The following TENM1 variants were observed in gnomAD, a reference collection of about 807,000 sequenced individuals.
The protein encoded by TENM1 is teneurin transmembrane protein 1, also known as teneurin-1.
TENM1 carries 35 observed loss-of-function variants against 174.8 expected under a neutral mutation model. That is an observed-to-expected ratio of 0.20 (90% CI 0.15 to 0.27). TENM1 has a LOEUF of 0.27. TENM1 is among the 10% of genes least tolerant of loss of function. The pLI is 1.00. For missense variants in TENM1, 1,633 were observed against 2,130.1 expected (o/e 0.77, Z 4.59); for synonymous variants, 781 against 798.7 (o/e 0.98, Z 0.37).
chrX:124,831,783 T>C (rs111422651), intron 3 of TENM1, among the ~76,000 whole-genome samples: 6,280 of 110,738 alleles, frequency 0.057, 303 homozygotes, highest in African/African-American at 0.15. Flanking sequence ...CTGAGTATAG[T>C]GTGGACAAAA....
chrX:124,964,954 C>T (rs1438300992), upstream of TENM1, among the ~76,000 whole-genome samples: 1 of 112,252 alleles, frequency 8.9e-6, no homozygotes, highest in Non-Finnish European at 1.9e-5. Flanking sequence ...TGTACACTAT[C>T]TCATATTTTG....
chrX:124,661,587 T>C (rs909811964), intron 6 of TENM1, among the ~76,000 whole-genome samples: 1 of 112,004 alleles, frequency 8.9e-6, no homozygotes, highest in Non-Finnish European at 1.9e-5. Context: ...TATCACATCA[T>C]TCTTAACTTT....
chrX:124,464,108 G>C (rs1191890417), intron 22 of TENM1, among the ~76,000 whole-genome samples: 2 of 110,796 alleles, frequency 1.8e-5, no homozygotes, highest in Non-Finnish European at 3.8e-5. Flanking sequence ...CGATATCTGA[G>C]ACACTACTCA....
At chrX:125,158,170 C>T in the TENM1 span, among the ~76,000 whole-genome samples, 7 of 109,399 alleles carry the variant, frequency 6.4e-5, no homozygotes, top group East Asian at 2.9e-4. Flanking sequence ...TTTGGGAGGC[C>T]GAGGTGGGCA....
intron 3 of TENM1, among the ~76,000 whole-genome samples, chrX:124,880,598 T>C (rs905463550): frequency 2.7e-5 from 3 of 112,167 alleles, no homozygotes; most frequent in Non-Finnish European, 5.6e-5. Flanking sequence ...CTTTGTCTTC[T>C]TCCAGTTCTT....
chrX:124,631,559 A>G (rs2050755886), intron 11 of TENM1, among the ~76,000 whole-genome samples: 1 of 111,437 alleles, frequency 9.0e-6, no homozygotes, highest in African/African-American at 3.3e-5. Context: ...TATGTGAGAC[A>G]TGGGTTCTTA....
exon 28 of TENM1, chrX:124,392,141 T>G: frequency 1.7e-6 from 2 of 1,210,570 alleles, no homozygotes; most frequent in Non-Finnish European, 2.2e-6. Context: ...ATTTTTTCAT[T>G]CCACGTTCCT....
At chrX:124,983,161 T>G in the TENM1 span, among the ~76,000 whole-genome samples, 1 of 108,853 alleles carries the variant, frequency 9.2e-6, no homozygotes. Flanking sequence ...TTTTTATTGT[T>G]CTCTTTTTAC....
intron 15 of TENM1, 115 bp from the exon 19 acceptor site, chrX:124,530,098 C>T: frequency 1.2e-6 from 1 of 857,753 alleles, no homozygotes; most frequent in Non-Finnish European, 1.6e-6. Flanking sequence ...ATAATTTCAC[C>T]AACCAGTAGA....
chrX:124,502,668 A>C (rs1387656828), intron 19 of TENM1, among the ~76,000 whole-genome samples: 1 of 112,322 alleles, frequency 8.9e-6, no homozygotes, highest in African/African-American at 3.2e-5. Flanking sequence ...CTTAAAAAAA[A>C]ATAAACTGTT....
rs148027629 is a variant in TENM1, at chrX:124,871,506, G to A, written c.535+22790C>T. Among the ~76,000 whole-genome samples the A allele has an allele frequency of 5.0e-4, 56 of 111,938 alleles. 1 individual carries two copies. The East Asian group carries it at 0.014, about 29-fold the overall frequency. ...TGAAATGGGAAGTCTGCAAGTTTTG[G>A]GTAGGAGGGAAAGATCAGGAGTTTA... On this transcript the variant is annotated intron_variant, in intron 3 of 31. Transcript: ENST00000422452.
intron 3 of TENM1, among the ~76,000 whole-genome samples, chrX:124,809,344 G>T (rs985961159): frequency 3.6e-5 from 4 of 110,878 alleles, no homozygotes; most frequent in African/African-American, 9.8e-5. Flanking sequence ...GGACCTGATG[G>T]GTTCACTACA....
At chrX:125,144,006 T>TC in the TENM1 span, among the ~76,000 whole-genome samples, 47 of 111,911 alleles carry the variant, frequency 4.2e-4, 1 homozygote, top group African/African-American at 1.5e-3. Context: ...ATGGTTTTGT[T>TC]CCCCACTGAA....
chrX:124,806,274 GA>G (rs966712997), intron 3 of TENM1, among the ~76,000 whole-genome samples: 1 of 111,377 alleles, frequency 9.0e-6, no homozygotes, highest in Non-Finnish European at 1.9e-5. Context: ...TCAAAGGAGA[GA>G]AAAAAAGAAT....
At chrX:125,143,294 TC>T in the TENM1 span, among the ~76,000 whole-genome samples, 1 of 111,867 alleles carries the variant, frequency 8.9e-6, no homozygotes, top group African/African-American at 3.2e-5. Context: ...TCAAAGCAAC[TC>T]CCTCTAATTT....
At chrX:124,872,807 C>T (rs2057134105) in intron 3 of TENM1, among the ~76,000 whole-genome samples, 2 of 111,585 alleles carry the variant, frequency 1.8e-5, no homozygotes, top group Admixed American at 1.9e-4. Context: ...CTCTGTAAGA[C>T]AGAAACTTGA....
At chrX:125,106,459 G>A in the TENM1 span, among the ~76,000 whole-genome samples, 30 of 106,903 alleles carry the variant, frequency 2.8e-4, no homozygotes, top group Middle Eastern at 5.0e-3. Context: ...GCCCAGGCTA[G>A]AGTGCAGTGG....
the TENM1 span, among the ~76,000 whole-genome samples, chrX:125,005,189 T>TACAC: frequency 5.8e-3 from 512 of 88,774 alleles, 3 homozygotes; most frequent in African/African-American, 0.016. Flanking sequence ...GATGTATACA[T>TACAC]ACACACACAC....
chrX:124,609,911 T>C (rs1424256608), intron 11 of TENM1, among the ~76,000 whole-genome samples: 3 of 111,923 alleles, frequency 2.7e-5, no homozygotes, highest in African/African-American at 6.5e-5. Flanking sequence ...AATTCAGATA[T>C]AGATTTTATG....
Sources: allele counts gnomAD v4.1 joint callset (sites outside exome capture counted in the v4.1 genomes callset), GRCh38; gene constraint gnomAD v4.1.1; transcripts MANE v1.5; gene names NCBI Gene and HGNC (gene_info 2026-07-23, HGNC 2026-07-21).